The following COG7 variants were observed in gnomAD, a reference collection of about 807,000 sequenced individuals.
COG7 encodes component of oligomeric golgi complex 7.
COG7 carries 49 observed loss-of-function variants against 91.5 expected under a neutral mutation model. That is an observed-to-expected ratio of 0.54 (90% CI 0.43 to 0.68). The LOEUF (loss-of-function observed/expected upper bound fraction) is 0.68. Among genes scored for constraint, COG7 ranks in the 30% least tolerant of loss-of-function variants. COG7 has a pLI of 0.00. For missense variants in COG7, 895 were observed against 961.3 expected, an observed-to-expected ratio of 0.93 and a Z score of 0.91; for synonymous variants, 365 against 388.7, an observed-to-expected ratio of 0.94 and a Z score of 0.72.
chr16:23,442,528 C>G lies in COG7; in HGVS notation c.553G>C (p.Glu185Gln). 6.2e-7 allele frequency: 1 copy of G among 1,614,108 alleles called. No homozygotes were observed. Among genetic ancestry groups the G allele is most frequent in the Non-Finnish European group, 8.5e-7 (1 of 1,180,032 alleles). Reference sequence around the variant, plus strand: ...ACAATCTGTGGACTGGCTAGGGCCTCCAGCCTGTTCTTCAGTGCCTCCAAG... The same window carrying G: ...ACAATCTGTGGACTGGCTAGGGCCTGCAGCCTGTTCTTCAGTGCCTCCAAG... The part of the protein sequence containing the change: ...VHLEALKNRL[E>Q]ALASPQIVAA... Residue 185 changes from glutamate to glutamine, a missense_variant, in exon 4 of 17, where the codon GAG becomes CAG. By Grantham distance (29) the Glu-to-Gln change is conservative (BLOSUM62 2). Transcript: ENST00000307149.
At chr16:23,429,270 G>A (rs1237169222) in intron 6 of COG7, among the ~76,000 whole-genome samples, 2 of 152,038 alleles carry the variant, frequency 1.3e-5, no homozygotes, top group Admixed American at 6.6e-5. Context: ...GATTACAGGT[G>A]TGAGCCACCA....
intron 6 of COG7, among the ~76,000 whole-genome samples, chr16:23,429,969 A>T (rs1963908550): frequency 6.6e-6 from 1 of 152,198 alleles, no homozygotes; most frequent in South Asian, 2.1e-4. Context: ...GGAAAAAATC[A>T]GGGCAGTGGT....
rs762420011 is a variant in COG7, at chr16:23,424,735, G to A, written c.1009+14C>T. 2 of 1,613,730 alleles carry A rather than the reference G, an allele frequency of 1.2e-6. No individual in the cohort carries two copies. Among genetic ancestry groups the A allele is most frequent in the African/African-American group, 2.7e-5 (2 of 74,946 alleles). On this transcript the variant is annotated intron_variant, in intron 7 of 16. Transcript: ENST00000307149. The stretch of plus-strand genomic sequence containing the variant: ...TAAAGACAAGCTAGAGAACTGGCAG[G>A]AAGGAATGTTTACGTAGGTGGGGGA...
At chr16:23,413,091 C>A in intron 10 of COG7, 1 of 307,802 alleles carries the variant, frequency 3.2e-6, no homozygotes, top group Non-Finnish European at 6.2e-6. Context: ...GATCCGATCA[C>A]CTATGCATTT....
rs142136999 is a variant in COG7, at chr16:23,434,815, T to C, written c.605-97A>G. ...ATGAAGGTGGATATATGGAAGCTAG[T>C]ATTCACAAGTTCCTGCCTAGATACT... is the stretch of plus-strand genomic sequence containing the variant. On this transcript the variant is annotated intron_variant, in intron 4 of 16. Coordinates refer to ENST00000307149, the MANE Select transcript of COG7 (RefSeq NM_153603.4). 1.0e-4 allele frequency: 80 copies of C among 790,182 alleles called. No homozygotes were observed. The East Asian group carries it at 2.0e-3, about 19-fold the overall frequency. The allele number at this position is 790,182 out of a possible 1,614,324, so 48.9% of individuals were successfully genotyped here.
At chr16:23,403,876 C>T (rs375162410) in intron 12 of COG7, 42 bp from the exon 13 acceptor site, 6 of 1,613,380 alleles carry the variant, frequency 3.7e-6, no homozygotes, top group East Asian at 2.2e-5. Context: ...AGGCCTGAAA[C>T]CCAACCCAAG....
intron 16 of COG7, 21 bp from the exon 17 acceptor site, chr16:23,389,107 C>T: frequency 6.2e-7 from 1 of 1,612,424 alleles, no homozygotes; most frequent in Non-Finnish European, 8.5e-7. Context: ...GGAGAGGAGA[C>T]AGACAGAGCT....
At chr16:23,413,603 C>A (rs913483669) in intron 9 of COG7, 39 bp from the exon 10 acceptor site, 1 of 1,053,774 alleles carries the variant, frequency 9.5e-7, no homozygotes, top group African/African-American at 1.6e-5. Context: ...GAGGTCACCA[C>A]TGATTCCCCA....
intron 11 of COG7, among the ~76,000 whole-genome samples, chr16:23,408,974 G>T (rs904399737): frequency 1.3e-5 from 2 of 151,896 alleles, no homozygotes; most frequent in African/African-American, 4.8e-5. Context: ...GGGAGCTCCT[G>T]AAAGAGATGA....
chr16:23,436,203 C>T (rs972109262), intron 4 of COG7, among the ~76,000 whole-genome samples: 4 of 152,134 alleles, frequency 2.6e-5, no homozygotes, highest in South Asian at 2.1e-4. Flanking sequence ...GCCTGAGTGA[C>T]AGAGCAAGAT....
At chr16:23,403,645 G>A in intron 13 of COG7, 49 bp downstream of exon 13, 1 of 1,611,160 alleles carries the variant, frequency 6.2e-7, no homozygotes, top group Non-Finnish European at 8.5e-7. Flanking sequence ...GTATGCTTGA[G>A]TTGGAGGCAG....
chr16:23,391,096 T>C (rs1416256710), intron 16 of COG7, among the ~76,000 whole-genome samples: 1 of 152,236 alleles, frequency 6.6e-6, no homozygotes, highest in African/African-American at 2.4e-5. Flanking sequence ...TCCCTGCCCC[T>C]AACCGTACAT....
chr16:23,409,088 T>TGCGCGCGC (rs1555493328), intron 11 of COG7, among the ~76,000 whole-genome samples: 2 of 147,800 alleles, frequency 1.4e-5, no homozygotes, highest in African/African-American at 5.1e-5. Context: ...TGTGTGTGTG[T>TGCGCGCGC]GCGTGCATGT....
rs1480623439 is a variant in COG7, at chr16:23,453,151, C to G, written c.-157G>C. The G allele has an allele frequency of 6.3e-6, 9 of 1,426,796 alleles. No homozygotes were observed. The highest frequency in any genetic ancestry group is 4.4e-5 in the South Asian group (3 of 68,336). The allele number at this position is 1,426,796 out of a possible 1,614,324, so 88.4% of individuals were successfully genotyped here. On this transcript the variant is annotated 5_prime_UTR_variant, in exon 1 of 17. Transcript: ENST00000307149. ...GGGTAACTTGCCCCTTTGCGCTTCC[C>G]CGCTCAGCGCACTCAGTTTGCGGCT...
intron 13 of COG7, among the ~76,000 whole-genome samples, chr16:23,402,710 T>C (rs1034088073): frequency 2.6e-5 from 4 of 152,212 alleles, no homozygotes; most frequent in African/African-American, 9.6e-5. Flanking sequence ...AAAATCTGAT[T>C]GAAATAGATC....
rs1374376029 is a variant in COG7 at position 23,437,825 on chromosome 16, G to A, written c.605-3107C>T. ...CTTGGGGCCGGGCACAGTGGCTCAC[G>A]CCTGTAATCCCAGCACCTGGGGAGG... On this transcript the variant is annotated intron_variant, in intron 4 of 16. Transcript: ENST00000307149. Among the ~76,000 whole-genome samples, 3 of 152,298 alleles carry A rather than the reference G, an allele frequency of 2.0e-5. 1 individual carries two copies. Among genetic ancestry groups the A allele is most frequent in the South Asian group, 4.1e-4 (2 of 4,822 alleles).
chr16:23,444,713 C>T (rs1373728452), intron 3 of COG7, among the ~76,000 whole-genome samples: 1 of 151,446 alleles, frequency 6.6e-6, no homozygotes, highest in African/African-American at 2.4e-5. Context: ...ATTATTTTGC[C>T]CAGGCTGGTC....
chr16:23,442,409 C>A, intron 4 of COG7, 68 bp downstream of exon 4: 1 of 1,355,428 alleles, frequency 7.4e-7, no homozygotes, highest in Non-Finnish European at 1.0e-6. Flanking sequence ...ATTCTAAAAA[C>A]TGAAGACTTA....
chr16:23,389,170 C>A, intron 16 of COG7, 84 bp from the exon 17 acceptor site: 3 of 1,521,174 alleles, frequency 2.0e-6, no homozygotes, highest in South Asian at 1.2e-5. Flanking sequence ...CCCCTGAATA[C>A]GACACAGAGA....
Sources: allele counts gnomAD v4.1 joint callset (sites outside exome capture counted in the v4.1 genomes callset), GRCh38; gene constraint gnomAD v4.1.1; transcripts MANE v1.5; gene names NCBI Gene and HGNC (gene_info 2026-07-23, HGNC 2026-07-21).